CWC27: variants seen among roughly 807,000 people sequenced by gnomAD.
CWC27 encodes the protein CWC27 spliceosome associated cyclophilin, also known as spliceosome-associated protein CWC27 homolog.
CWC27 carries 47 observed loss-of-function variants against 63.6 expected under a neutral mutation model. The ratio of observed to expected loss-of-function variants is 0.74; its 90% CI spans 0.58 to 0.94. The LOEUF (loss-of-function observed/expected upper bound fraction) is 0.94. Ranked by LOEUF, CWC27 falls within the 40% of genes least tolerant of loss-of-function variation. The pLI, the probability that CWC27 is intolerant of heterozygous loss-of-function variation, is 0.00. For synonymous variants in CWC27, 175 were observed against 179.8 expected (o/e 0.97, Z 0.22); for missense variants, 495 against 554.3 (o/e 0.89, Z 1.07).
At chr5:64,979,843 C>G (rs953962715) in intron 13 of CWC27, among the ~76,000 whole-genome samples, 11 of 151,908 alleles carry the variant, frequency 7.2e-5, no homozygotes, top group Non-Finnish European at 1.3e-4. Flanking sequence ...AAACCATTAC[C>G]AATTTGTTAT....
Position 64,800,265 on chromosome 5 carries a change from CA to C in CWC27, c.691del (p.Ser231ValfsTer18). ...CTTTGCAGAGCATGAAGGGCAAAAGCAAAAGTAGTCATGACTTGCTTAAGGA... is the reference window on the plus strand; with the variant it reads ...CTTTGCAGAGCATGAAGGGCAAAAGCAAAGTAGTCATGACTTGCTTAAGGA... ...RVSQSMKGKS[K>X]SSHDLLKDDP... On this transcript the variant is annotated frameshift_variant, in exon 8 of 14. Coordinates refer to ENST00000381070, the MANE Select transcript of CWC27 (RefSeq NM_005869.4). LOFTEE classifies it high-confidence loss of function. 6.2e-7 allele frequency: 1 copy of C among 1,611,722 alleles called. No individual in the cohort carries two copies. The highest frequency in any genetic ancestry group is 8.5e-7 in the Non-Finnish European group (1 of 1,178,460).
chr5:64,988,374 T>C (rs1330907530), intron 13 of CWC27, among the ~76,000 whole-genome samples: 1 of 152,194 alleles, frequency 6.6e-6, no homozygotes, highest in Non-Finnish European at 1.5e-5. Context: ...TTTTTTATTG[T>C]ATCCTAAACA....
intron 11 of CWC27, among the ~76,000 whole-genome samples, chr5:64,955,744 G>A (rs947384243): frequency 6.6e-6 from 1 of 151,970 alleles, no homozygotes; most frequent in Non-Finnish European, 1.5e-5. Context: ...GAAAAAAAAA[G>A]TCAAGAGTGA....
At chr5:64,959,769 CTG>C (rs1425998780) in intron 11 of CWC27, among the ~76,000 whole-genome samples, 1 of 152,192 alleles carries the variant, frequency 6.6e-6, no homozygotes, top group Non-Finnish European at 1.5e-5. Flanking sequence ...ACTGTAGACA[CTG>C]TTGTAATTCA....
chr5:64,795,973 T>C (rs1744248927), intron 7 of CWC27, among the ~76,000 whole-genome samples: 1 of 151,114 alleles, frequency 6.6e-6, no homozygotes, highest in African/African-American at 2.4e-5. Context: ...AATTTCCTAA[T>C]AATAGAAGCC....
chr5:64,931,833 A>G (rs187261436), intron 11 of CWC27, among the ~76,000 whole-genome samples: 18 of 152,194 alleles, frequency 1.2e-4, no homozygotes, highest in Admixed American at 8.5e-4. Context: ...ACATTTGTCA[A>G]TGTTTTTATG....
At chr5:64,903,628 C>T (rs1251940388) in intron 11 of CWC27, among the ~76,000 whole-genome samples, 1 of 151,772 alleles carries the variant, frequency 6.6e-6, no homozygotes, top group South Asian at 2.1e-4. Context: ...ACCACAATGG[C>T]CACATGTATA....
At chr5:64,993,372 T>G (rs1336339054) in intron 13 of CWC27, among the ~76,000 whole-genome samples, 2 of 152,224 alleles carry the variant, frequency 1.3e-5, no homozygotes, top group African/African-American at 4.8e-5. Flanking sequence ...TTAATTTACT[T>G]CAGTTATGTT....
chr5:64,775,697 C>G (rs377433258), intron 2 of CWC27, among the ~76,000 whole-genome samples: 15 of 152,066 alleles, frequency 9.9e-5, no homozygotes, highest in African/African-American at 3.4e-4. Context: ...AACTATTTTT[C>G]TTTTTTTAAA....
intron 13 of CWC27, among the ~76,000 whole-genome samples, chr5:64,992,532 A>G (rs1435818190): frequency 1.4e-5 from 2 of 139,268 alleles, no homozygotes; most frequent in East Asian, 2.1e-4. Context: ...TACTTTCTAC[A>G]CTTTTTTTTT....
intron 11 of CWC27, among the ~76,000 whole-genome samples, chr5:64,953,321 A>C (rs1252222590): frequency 6.6e-6 from 1 of 152,158 alleles, no homozygotes; most frequent in Non-Finnish European, 1.5e-5. Flanking sequence ...AGTAGTTAAC[A>C]GTGTGTTTTC....
In CWC27 at chr5:64,912,081, AAAAAAAAAAAG is replaced by A. The variant is rs1442692266; in HGVS notation, c.1042+26539_1042+26549del. On this transcript the variant is annotated intron_variant, in intron 11 of 13. Coordinates refer to ENST00000381070, the MANE Select transcript of CWC27 (RefSeq NM_005869.4). Reference sequence around the variant, plus strand: ...AGAGCGAGACTCTGTCTCAAAAAAAAAAAAAAAAAAGAAAGAAAGAAAGAAAGTAGACAGAC... The same window carrying A: ...AGAGCGAGACTCTGTCTCAAAAAAAAAAAGAAAGAAAGAAAGTAGACAGAC... Among the ~76,000 whole-genome samples the A allele has an allele frequency of 1.5e-4, 22 of 143,810 alleles. No homozygotes were observed. In the East Asian group the frequency reaches 4.1e-3, roughly 27 times the overall value. 94.3% of individuals were successfully genotyped at this position (143,810 alleles called of 152,430 possible). A position where few individuals can be genotyped will look rare whatever the true frequency, so the allele number is the denominator to read the frequency against.
chr5:64,869,902 A>G (rs995758514), intron 10 of CWC27, among the ~76,000 whole-genome samples: 2 of 151,998 alleles, frequency 1.3e-5, no homozygotes, highest in Non-Finnish European at 2.9e-5. Context: ...AGTTGGAAAA[A>G]TACAAAAACT....
At chr5:64,991,463 G>A (rs189397823) in intron 13 of CWC27, among the ~76,000 whole-genome samples, 62 of 152,354 alleles carry the variant, frequency 4.1e-4, no homozygotes, top group African/African-American at 1.5e-3. Context: ...TGTGGCTCAC[G>A]CCTGTAATCC....
rs566554974 is a variant in CWC27 at position 64,912,752 on chromosome 5, G to C, written c.1042+27206G>C. Among the ~76,000 whole-genome samples, 3 of 152,254 alleles carry C rather than the reference G, an allele frequency of 2.0e-5. No individual in the cohort carries two copies. In the East Asian group the frequency reaches 5.8e-4, roughly 29 times the overall value. ...AAAATGCTATTATAAACAACCTTCT[G>C]CTCCTTAGAAGTACTTCATTTACCA... On this transcript the variant is annotated intron_variant, in intron 11 of 13. Transcript: ENST00000381070.
intron 13 of CWC27, among the ~76,000 whole-genome samples, chr5:64,979,462 C>T (rs1457258387): frequency 6.6e-6 from 1 of 152,070 alleles, no homozygotes; most frequent in Non-Finnish European, 1.5e-5. Context: ...CAATTTAGAC[C>T]TTGGATTTTG....
In CWC27 at chr5:64,995,741, G is replaced by T. The variant is rs569730737; in HGVS notation, c.1256+18503G>T. Among the ~76,000 whole-genome samples, 6 of 152,180 alleles carry T rather than the reference G, an allele frequency of 3.9e-5. No homozygotes were observed. In the South Asian group the frequency reaches 1.2e-3, roughly 32 times the overall value. The stretch of plus-strand genomic sequence containing the variant: ...GCCAGTACCTCACTGCTTAATTGTT[G>T]TAGCAATGTAATACTGTTTAGTATC... On this transcript the variant is annotated intron_variant, in intron 13 of 13. Coordinates refer to ENST00000381070, the MANE Select transcript of CWC27 (RefSeq NM_005869.4).
chr5:64,799,483 G>A, intron 7 of CWC27, among the ~76,000 whole-genome samples: 1 of 128,564 alleles, frequency 7.8e-6, no homozygotes, highest in Non-Finnish European at 1.7e-5. Context: ...CTACTTGGGA[G>A]GCTGAGGCAG....
intron 10 of CWC27, among the ~76,000 whole-genome samples, chr5:64,840,388 AAAAAAAATAT>A (rs1374663133): frequency 8.8e-5 from 4 of 45,336 alleles, no homozygotes; most frequent in Admixed American, 2.6e-4. Context: ...AAAAAAAAAA[AAAAAAAATAT>A]ATATATATAT....
Sources: gnomAD v4.1 joint callset for allele counts (sites outside exome capture counted in the v4.1 genomes callset) on GRCh38, gnomAD v4.1.1 for gene constraint, MANE v1.5 for transcripts, NCBI Gene and HGNC (gene_info 2026-07-23, HGNC 2026-07-21) for gene names.